ARL13B: variants seen among roughly 807,000 people sequenced by gnomAD.
The protein encoded by ARL13B is ADP-ribosylation factor-like protein 13B.
A neutral mutation model predicts 56.1 loss-of-function variants in ARL13B; 36 were observed. The observed-to-expected ratio is 0.64, with a 90% CI of 0.49 to 0.85. ARL13B has a LOEUF of 0.85. Among genes scored for constraint, ARL13B ranks in the 40% least tolerant of loss-of-function variants. ARL13B has a pLI of 0.00. For missense variants in ARL13B, 519 were observed against 507.1 expected (o/e 1.02, Z -0.23); for synonymous variants, 178 against 171.1 (o/e 1.04, Z -0.32).
At chr3:93,981,208 T>C (rs1710198747) in intron 1 of ARL13B, among the ~76,000 whole-genome samples, 1 of 152,228 alleles carries the variant, frequency 6.6e-6, no homozygotes, top group Non-Finnish European at 1.5e-5. Context: ...ATTAAGACAA[T>C]ACCTTGTGCC....
chr3:94,015,302 G>C, intron 3 of ARL13B: 1 of 1,494,214 alleles, frequency 6.7e-7, no homozygotes, highest in Non-Finnish European at 8.9e-7. Flanking sequence ...AAAAATTTTT[G>C]TGTTGAACAA....
intron 3 of ARL13B, among the ~76,000 whole-genome samples, chr3:94,031,359 C>A (rs1268621792): frequency 6.6e-6 from 1 of 151,822 alleles, no homozygotes; most frequent in Non-Finnish European, 1.5e-5. Context: ...AAGTCAATAG[C>A]AAATGTTTAT....
chr3:94,038,574 A>G (rs2076809713), intron 5 of ARL13B, among the ~76,000 whole-genome samples: 1 of 116,802 alleles, frequency 8.6e-6, no homozygotes, highest in African/African-American at 3.4e-5. Context: ...CCCAGGCTGG[A>G]GTGCAATGGC....
chr3:94,046,197 CCAT>C (rs1447606695), intron 7 of ARL13B, among the ~76,000 whole-genome samples: 1 of 151,698 alleles, frequency 6.6e-6, no homozygotes, highest in East Asian at 1.9e-4. Context: ...ATATGTAAAA[CCAT>C]CAGCCCAATC....
chr3:94,003,551 G>T (rs2076086688), intron 2 of ARL13B, 108 bp from the exon 3 acceptor site: 7 of 1,230,586 alleles, frequency 5.7e-6, no homozygotes, highest in Non-Finnish European at 8.1e-6. Flanking sequence ...TGTTTATTGT[G>T]TCAGTGAATG....
rs1180620936 is a variant in ARL13B, at chr3:94,026,514, CATAACT to C, written c.381-8813_381-8808del. Among the ~76,000 whole-genome samples, 6 of 152,216 alleles carry C rather than the reference CATAACT, an allele frequency of 3.9e-5. 1 individual carries two copies. The East Asian group carries it at 5.8e-4, about 15-fold the overall frequency. ...TTACATTTTCTAGTAGTTGCATACT[CATAACT>C]ATATGTATAACTATCCAATTTATTG... On this transcript the variant is annotated intron_variant, in intron 3 of 9. Transcript: ENST00000394222.
Position 94,039,806 on chromosome 3 carries a change from C to T in ARL13B, c.690-74C>T, listed in dbSNP as rs147380872. On this transcript the variant is annotated intron_variant, in intron 5 of 9. Coordinates refer to ENST00000394222, the MANE Select transcript of ARL13B (RefSeq NM_001174150.2). ...AATTACTACATGTAATAGCCTTATA[C>T]CTATTGCAGTTTTCTTTAACATGGT... 1.4e-3 allele frequency: 1,629 copies of T among 1,198,130 alleles called. 9 individuals carry two copies. Among genetic ancestry groups the T allele is most frequent in the Admixed American group, 1.5e-3 (80 of 51,898 alleles). 74.2% of individuals were successfully genotyped at this position (1,198,130 alleles called of 1,614,324 possible).
At chr3:94,050,256 A>G (rs1023826581) in intron 8 of ARL13B, among the ~76,000 whole-genome samples, 1 of 152,134 alleles carries the variant, frequency 6.6e-6, no homozygotes, top group African/African-American at 2.4e-5. Context: ...TACATTTTCA[A>G]TATACATACC....
chr3:93,988,865 G>T (rs1413535647), intron 1 of ARL13B: 33 of 379,712 alleles, frequency 8.7e-5, no homozygotes, highest in Non-Finnish European at 1.6e-4. Flanking sequence ...GCAGGAGCAG[G>T]TTTAGCTGAC....
intron 1 of ARL13B, among the ~76,000 whole-genome samples, chr3:93,992,466 T>G (rs1484994987): frequency 6.6e-6 from 1 of 152,186 alleles, no homozygotes; most frequent in East Asian, 1.9e-4. Context: ...ATAACAGTTA[T>G]CTCATGTTAC....
intron 5 of ARL13B, among the ~76,000 whole-genome samples, chr3:94,037,289 A>C (rs1028266068): frequency 4.6e-5 from 7 of 152,194 alleles, no homozygotes; most frequent in African/African-American, 7.2e-5. Context: ...CTAGAGAATC[A>C]TTCAACTCAA....
intron 2 of ARL13B, among the ~76,000 whole-genome samples, chr3:93,998,081 G>C (rs1328215276): frequency 6.6e-6 from 1 of 152,212 alleles, no homozygotes; most frequent in African/African-American, 2.4e-5. Flanking sequence ...TAATTTTCAT[G>C]TGTTAGGAAA....
At chr3:94,017,654 A>G (rs1007965238) in intron 3 of ARL13B, among the ~76,000 whole-genome samples, 3 of 152,226 alleles carry the variant, frequency 2.0e-5, no homozygotes, top group African/African-American at 7.2e-5. Flanking sequence ...GAGAAGGACA[A>G]TATACAATTT....
intron 1 of ARL13B, among the ~76,000 whole-genome samples, chr3:93,981,450 A>G (rs928348386): frequency 2.6e-5 from 4 of 152,320 alleles, no homozygotes; most frequent in East Asian, 3.9e-4. Context: ...CTGAAAAGCT[A>G]CACTTACACA....
intron 3 of ARL13B, among the ~76,000 whole-genome samples, chr3:94,027,976 G>A (rs1001893865): frequency 1.9e-4 from 29 of 152,202 alleles, no homozygotes; most frequent in Admixed American, 1.9e-3. Context: ...TTGGGTATAA[G>A]CTGCTTTTCA....
At chr3:94,032,825 A>G (rs1330452798) in intron 3 of ARL13B, among the ~76,000 whole-genome samples, 1 of 152,212 alleles carries the variant, frequency 6.6e-6, no homozygotes, top group Non-Finnish European at 1.5e-5. Context: ...GACCTAAAAA[A>G]AGAACTACCA....
At chr3:93,988,901 C>T (rs1311478635) in intron 1 of ARL13B, 4 of 316,160 alleles carry the variant, frequency 1.3e-5, no homozygotes, top group Non-Finnish European at 2.5e-5. Context: ...CTCTTGGGCT[C>T]TTGCTTCGCC....
At chr3:93,988,674 T>A (rs1381738173) in intron 1 of ARL13B, 1 of 484,304 alleles carries the variant, frequency 2.1e-6, no homozygotes. Flanking sequence ...CATCAAAGGT[T>A]GGAGTCTCCT....
At chr3:94,006,866 ATC>A (rs1036298697) in intron 3 of ARL13B, among the ~76,000 whole-genome samples, 3 of 152,164 alleles carry the variant, frequency 2.0e-5, no homozygotes, top group Non-Finnish European at 4.4e-5. Context: ...GCACTGACAG[ATC>A]TGCTGTATAA....
Sources: gnomAD v4.1 joint callset for allele counts (sites outside exome capture counted in the v4.1 genomes callset) on GRCh38, gnomAD v4.1.1 for gene constraint, MANE v1.5 for transcripts, NCBI Gene and HGNC (gene_info 2026-07-23, HGNC 2026-07-21) for gene names.